Variants in TG observed in about 807,000 individuals in gnomAD.
TG encodes the protein thyroid hormones.
A neutral mutation model predicts 324.7 loss-of-function variants in TG; 270 were observed. The observed-to-expected ratio is 0.83, with a 90% confidence interval of 0.75 to 0.92. The LOEUF (loss-of-function observed/expected upper bound fraction) is 0.92, where lower values mean the gene tolerates loss of function less well. Ranked by LOEUF, TG falls within the 40% of genes least tolerant of loss-of-function variation. TG has a pLI of 0.00. For synonymous variants in TG, 1,401 were observed against 1,327.0 expected (o/e 1.06, Z -1.21); for missense variants, 3,591 against 3,456.4 (o/e 1.04, Z -0.98).
chr8:133,097,892 A>G (rs1234758864), intron 43 of TG, among the ~76,000 whole-genome samples: 1 of 152,156 alleles, frequency 6.6e-6, no homozygotes, highest in Non-Finnish European at 1.5e-5. Flanking sequence ...GAAGGTTCCT[A>G]TCTGGAAGGT....
intron 8 of TG, among the ~76,000 whole-genome samples, chr8:132,885,136 G>A (rs1017484049): frequency 6.6e-6 from 1 of 150,800 alleles, no homozygotes; most frequent in East Asian, 1.9e-4. Context: ...AGTTGGGGGG[G>A]GGGCGTGGTG....
At chr8:132,972,457 T>G in intron 33 of TG, 141 bp from the exon 34 acceptor site, 13 of 979,534 alleles carry the variant, frequency 1.3e-5, no homozygotes, top group Non-Finnish European at 2.0e-5. Context: ...CAGCAGTGGC[T>G]GAGATAGTAT....
At chr8:132,910,197 G>A (rs1364628309) in intron 18 of TG, among the ~76,000 whole-genome samples, 1 of 152,164 alleles carries the variant, frequency 6.6e-6, no homozygotes, top group Non-Finnish European at 1.5e-5. Flanking sequence ...CCATTGGGAT[G>A]GATGGCATGC....
Position 133,060,107 on chromosome 8 carries a change from G to T in TG, c.7239+30084G>T, listed in dbSNP as rs756876988. On this transcript the variant is annotated intron_variant, in intron 41 of 47. Coordinates refer to ENST00000220616, the MANE Select transcript of TG (RefSeq NM_003235.5). ...CAGAGAAGCCAGACTTACCCTCCGG[G>T]TTGGGCAGGGGCCTCTCGGCAGGCG... 5 of 1,599,238 alleles carry T rather than the reference G, an allele frequency of 3.1e-6. No individual in the cohort carries two copies. In the African/African-American group the frequency reaches 6.8e-5, roughly 22 times the overall value.
In TG at chr8:133,116,653, G is replaced by C; in HGVS notation, c.7799G>C (p.Trp2600Ser). The change falls in exon 45 of 48, where the codon TGG becomes TCG. Residue 2600 changes from tryptophan (W) to serine (S), a missense_variant. Trp to Ser is a radical substitution (Grantham distance 177). Coordinates refer to ENST00000220616, the MANE Select transcript of TG (RefSeq NM_003235.5). ...CCTATAATCGACATGGCCAGTGCCT[G>C]GGCAAAGAGGGCCCGAGGAAACGTC... ...ICPIIDMASA[W>S]AKRARGNVFM... is the part of the protein sequence containing the mutation. The C allele has an allele frequency of 6.2e-7, 1 of 1,614,230 alleles. No individual in the cohort carries two copies. Among genetic ancestry groups the C allele is most frequent in the Non-Finnish European group, 8.5e-7 (1 of 1,180,042 alleles).
intron 41 of TG, among the ~76,000 whole-genome samples, chr8:133,077,892 C>A (rs1257071111): frequency 6.6e-6 from 1 of 151,970 alleles, no homozygotes; most frequent in Non-Finnish European, 1.5e-5. Flanking sequence ...TCATGACAAC[C>A]AAAAATGTCC....
At chr8:132,937,780 A>G in intron 25 of TG, among the ~76,000 whole-genome samples, 1 of 151,898 alleles carries the variant, frequency 6.6e-6, no homozygotes, top group Admixed American at 6.6e-5. Context: ...TTTCAACATC[A>G]CACAGAAAGT....
In TG at chr8:132,873,205, G is replaced by A; in HGVS notation, c.622G>A (p.Val208Ile). The A allele has an allele frequency of 1.9e-6, 3 of 1,614,046 alleles. No individual in the cohort carries two copies. The highest frequency in any genetic ancestry group is 2.5e-6 in the Non-Finnish European group (3 of 1,180,026). The change falls in exon 5 of 48, where the codon GTC becomes ATC. Residue 208 changes from valine to isoleucine, a missense_variant. By Grantham distance (29) the Val-to-Ile change is conservative. Transcript: ENST00000220616. Reference protein sequence around the residue: ...NTTDMMIFDLVHSYNRFPDAF... With the variant: ...NTTDMMIFDLIHSYNRFPDAF... ...CACAGACATGATGATTTTTGATCTG[G>A]TCCACAGCTACAACAGGTAAGGGGA...
At chr8:133,004,988 A>G (rs1227738937) in intron 35 of TG, among the ~76,000 whole-genome samples, 1 of 152,146 alleles carries the variant, frequency 6.6e-6, no homozygotes, top group African/African-American at 2.4e-5. Context: ...GGCGATAAGG[A>G]TGATAGGATT....
rs1321702766 is a variant in TG, at chr8:132,893,722, G to C, written c.2794G>C (p.Val932Leu). 1.2e-6 allele frequency: 2 copies of C among 1,613,926 alleles called. No individual in the cohort carries two copies. The highest frequency in any genetic ancestry group is 1.7e-6 in the Non-Finnish European group (2 of 1,179,898). ...PGSCEEAKLRVLQFIRETEEI... is the reference protein window; with the variant it reads ...PGSCEEAKLRLLQFIRETEEI... Reference sequence around the variant, plus strand: ...CTCCTGTGAGGAAGCAAAGCTCCGTGTACTGCAGTTCATTAGGGAAACGGA... The same window carrying C: ...CTCCTGTGAGGAAGCAAAGCTCCGTCTACTGCAGTTCATTAGGGAAACGGA... Residue 932 changes from valine (V) to leucine (L), a missense_variant, in exon 11 of 48, where the codon GTA becomes CTA. By Grantham distance (32) the Val-to-Leu change is conservative (BLOSUM62 1). Transcript: ENST00000220616.
intron 18 of TG, among the ~76,000 whole-genome samples, chr8:132,908,958 T>C (rs1180687874): frequency 2.6e-5 from 4 of 152,154 alleles, no homozygotes; most frequent in Non-Finnish European, 4.4e-5. Context: ...GGGCACATAC[T>C]TAGTGTGAGC....
At chr8:133,101,010 A>G (rs896182684) in intron 43 of TG, among the ~76,000 whole-genome samples, 1 of 152,084 alleles carries the variant, frequency 6.6e-6, no homozygotes, top group Non-Finnish European at 1.5e-5. Flanking sequence ...GGGTGTCTCT[A>G]GGTCAGCTAA....
At chr8:132,873,037 A>T in intron 4 of TG, 25 bp from the exon 5 acceptor site, 2 of 1,605,324 alleles carry the variant, frequency 1.2e-6, no homozygotes, top group Non-Finnish European at 1.7e-6. Context: ...ATATATAAGG[A>T]TTTTTTTTTC....
rs1554672013 is a variant in TG, at chr8:132,932,124, T to TTG, written c.4817-1437_4817-1436insTG. ...ATATTTTAAAACAGAATTATTTTTT[T>TTG]GGGGGGGGTGTTCTGAATAAGCCAC... On this transcript the variant is annotated intron_variant, in intron 23 of 47. Transcript: ENST00000220616. Among the ~76,000 whole-genome samples the TTG allele has an allele frequency of 6.5e-4, 98 of 150,702 alleles. No individual in the cohort carries two copies. In the South Asian group the frequency reaches 7.4e-3, roughly 11 times the overall value.
chr8:133,095,259 A>G (rs1848230137), intron 42 of TG, 51 bp downstream of exon 42: 2 of 1,613,282 alleles, frequency 1.2e-6, no homozygotes, highest in Admixed American at 1.7e-5. Flanking sequence ...TCTTTTACAA[A>G]TAGAAAATGA....
At chr8:132,993,586 C>G (rs1186037168) in intron 35 of TG, among the ~76,000 whole-genome samples, 1 of 152,186 alleles carries the variant, frequency 6.6e-6, no homozygotes, top group Non-Finnish European at 1.5e-5. Context: ...CACAGGTAAT[C>G]TTTGTAAATG....
At chr8:132,984,095 C>G (rs916704853) in intron 35 of TG, among the ~76,000 whole-genome samples, 8 of 152,212 alleles carry the variant, frequency 5.3e-5, no homozygotes, top group African/African-American at 1.7e-4. Context: ...CCCTTTTCTG[C>G]TTCCCTTTGT....
At chr8:132,948,247 T>TTGTGTGTGTG (rs60794915) in intron 26 of TG, among the ~76,000 whole-genome samples, 8 of 151,026 alleles carry the variant, frequency 5.3e-5, no homozygotes, top group East Asian at 2.0e-4. Flanking sequence ...AAGGTTGATC[T>TTGTGTGTGTG]TGTGTGTGTG....
chr8:132,985,056 C>T (rs1188649612), intron 35 of TG, among the ~76,000 whole-genome samples: 1 of 152,056 alleles, frequency 6.6e-6, no homozygotes, highest in Non-Finnish European at 1.5e-5. Context: ...TTTTTCTCAT[C>T]CTGGCCTCCG....
Sources: allele counts gnomAD v4.1 joint callset (sites outside exome capture counted in the v4.1 genomes callset), GRCh38; gene constraint gnomAD v4.1.1; transcripts MANE v1.5; gene names NCBI Gene and HGNC (gene_info 2026-07-23, HGNC 2026-07-21).